DCC: variants seen among roughly 807,000 people sequenced by gnomAD.
DCC encodes netrin receptor DCC.
In DCC, 58 loss-of-function variants were observed where a neutral mutation model predicts 172.5. The ratio of observed to expected loss-of-function variants is 0.34; its 90% CI spans 0.27 to 0.42. The LOEUF (loss-of-function observed/expected upper bound fraction) is 0.42. Among genes scored for constraint, DCC ranks in the 10% least tolerant of loss-of-function variants. The probability of loss-of-function intolerance (pLI) is 1.00; values close to 1 mark genes in which losing one functional copy is unlikely to be tolerated. For missense variants in DCC, 1,740 were observed against 1,791.0 expected, an observed-to-expected ratio of 0.97 and a Z score of 0.51; for synonymous variants, 709 against 644.5, an observed-to-expected ratio of 1.10 and a Z score of -1.52.
At chr18:52,937,806 T>C in intron 5 of DCC, among the ~76,000 whole-genome samples, 1 of 151,378 alleles carries the variant, frequency 6.6e-6, no homozygotes, top group East Asian at 2.0e-4. Flanking sequence ...TTAAATTCTA[T>C]CCATACCTCT....
At chr18:53,383,464 C>T (rs1907919238) in intron 15 of DCC, among the ~76,000 whole-genome samples, 1 of 149,952 alleles carries the variant, frequency 6.7e-6, no homozygotes, top group Non-Finnish European at 1.5e-5. Flanking sequence ...CTGAGGGAGT[C>T]TCTTCAAATT....
intron 1 of DCC, among the ~76,000 whole-genome samples, chr18:52,470,551 C>A (rs1988917759): frequency 6.6e-6 from 1 of 152,104 alleles, no homozygotes; most frequent in Admixed American, 6.5e-5. Context: ...GTAATGCCCA[C>A]AGAGAGGCAG....
intron 3 of DCC, among the ~76,000 whole-genome samples, chr18:52,916,850 G>A (rs1239623183): frequency 6.6e-6 from 1 of 152,030 alleles, no homozygotes; most frequent in Non-Finnish European, 1.5e-5. Flanking sequence ...CAATGTCAAT[G>A]CAGAAAGTAT....
intron 2 of DCC, among the ~76,000 whole-genome samples, chr18:52,782,508 T>C (rs28610143): frequency 0.053 from 8,039 of 152,188 alleles, 287 homozygotes; most frequent in South Asian, 0.16. Context: ...CACTCTAGTG[T>C]CCCAAATTTA....
intron 5 of DCC, among the ~76,000 whole-genome samples, chr18:52,959,590 C>T (rs2040807314): frequency 6.6e-6 from 1 of 151,540 alleles, no homozygotes; most frequent in African/African-American, 2.4e-5. Context: ...CAGTGTCTGT[C>T]ATTCCCAAAC....
At chr18:53,521,733 TA>T (rs568365890) in intron 27 of DCC, among the ~76,000 whole-genome samples, 89 of 152,272 alleles carry the variant, frequency 5.8e-4, no homozygotes, top group Non-Finnish European at 1.2e-3. Context: ...GGTTACATAT[TA>T]AATTGTAAAT....
At chr18:53,300,962 A>ATTCATTCTTTCTTTCTTTCTTTCTTTCT (rs1555649186) in intron 12 of DCC, among the ~76,000 whole-genome samples, 8 of 120,314 alleles carry the variant, frequency 6.6e-5, no homozygotes, top group African/African-American at 2.3e-4. Context: ...TTCTGGATTC[A>ATTCATTCTTTCTTTCTTTCTTTCTTTCT]TTCTTTCTTT....
At chr18:52,610,482 A>G (rs2034256976) in intron 1 of DCC, among the ~76,000 whole-genome samples, 2 of 149,142 alleles carry the variant, frequency 1.3e-5, no homozygotes, top group Admixed American at 1.3e-4. Context: ...GAGTTGGTGT[A>G]TACTGGGTAA....
chr18:53,397,591 A>T (rs1909035747), intron 18 of DCC, 145 bp downstream of exon 18: 4 of 866,238 alleles, frequency 4.6e-6, no homozygotes, highest in African/African-American at 1.7e-5. Context: ...TAGCACTTTT[A>T]TATCTAAGAG....
chr18:53,427,782 T>C (rs1310997841), intron 21 of DCC, among the ~76,000 whole-genome samples: 1 of 140,062 alleles, frequency 7.1e-6, no homozygotes, highest in African/African-American at 2.6e-5. Context: ...TTCAGAGGAG[T>C]AACCAATGTG....
intron 2 of DCC, among the ~76,000 whole-genome samples, chr18:52,859,999 T>TC (rs2039114940): frequency 1.3e-5 from 2 of 152,216 alleles, no homozygotes; most frequent in Admixed American, 1.3e-4. Context: ...AGTTTTGTAG[T>TC]CCAGAGAGTA....
intron 18 of DCC, among the ~76,000 whole-genome samples, chr18:53,402,542 A>G (rs1209302370): frequency 1.3e-5 from 2 of 152,166 alleles, no homozygotes; most frequent in Middle Eastern, 3.4e-3. Flanking sequence ...TCTCCTTTAT[A>G]TTCACACATA....
chr18:53,290,040 G>A (rs1839260852), intron 12 of DCC, among the ~76,000 whole-genome samples: 1 of 152,142 alleles, frequency 6.6e-6, no homozygotes, highest in Non-Finnish European at 1.5e-5. Context: ...CTGTTTGGTT[G>A]CATGGTATGC....
At chr18:53,178,425 T>A (rs914991089) in intron 8 of DCC, among the ~76,000 whole-genome samples, 4 of 152,198 alleles carry the variant, frequency 2.6e-5, no homozygotes, top group Non-Finnish European at 5.9e-5. Context: ...CTACTTCCTT[T>A]CACTAATTGC....
intron 16 of DCC, among the ~76,000 whole-genome samples, chr18:53,389,642 G>T (rs1908416285): frequency 6.6e-6 from 1 of 152,090 alleles, no homozygotes; most frequent in African/African-American, 2.4e-5. Context: ...TCCATAAAAT[G>T]GGAAAGAAAA....
chr18:52,531,019 C>A (rs1226391563), intron 1 of DCC, among the ~76,000 whole-genome samples: 1 of 152,176 alleles, frequency 6.6e-6, no homozygotes, highest in Non-Finnish European at 1.5e-5. Flanking sequence ...GACAACTTGG[C>A]CTCTAAACAT....
Position 53,215,541 on chromosome 18 carries a change from C to T in DCC, c.1862-7C>T, listed in dbSNP as rs757144576. 3 of 1,613,312 alleles carry T rather than the reference C, an allele frequency of 1.9e-6. No homozygotes were observed. Among genetic ancestry groups the T allele is most frequent in the Admixed American group, 3.3e-5 (2 of 59,974 alleles). On this transcript the variant is annotated splice_region_variant and splice_polypyrimidine_tract_variant and intron_variant, in intron 11 of 28. Coordinates refer to ENST00000442544, the MANE Select transcript of DCC (RefSeq NM_005215.4). ...GTAACTGTGACAATTTGTTTGATTC[C>T]TTTTAGTGCCAAGTGCCCCGCCTCA...
intron 12 of DCC, among the ~76,000 whole-genome samples, chr18:53,274,474 T>C (rs2056783458): frequency 6.6e-6 from 1 of 152,176 alleles, no homozygotes; most frequent in Middle Eastern, 3.2e-3. Context: ...ACATCTGATT[T>C]CCAGGTATGA....
intron 1 of DCC, among the ~76,000 whole-genome samples, chr18:52,486,734 A>G (rs2030245429): frequency 6.6e-6 from 1 of 152,176 alleles, no homozygotes; most frequent in Admixed American, 6.6e-5. Context: ...ACTAAGAGAA[A>G]GCTTTATGGC....
Sources: allele counts gnomAD v4.1 joint callset (sites outside exome capture counted in the v4.1 genomes callset), GRCh38; gene constraint gnomAD v4.1.1; transcripts MANE v1.5; gene names NCBI Gene and HGNC (gene_info 2026-07-23, HGNC 2026-07-21).